The following WAPL variants were observed in gnomAD, a reference collection of about 807,000 sequenced individuals.
The protein encoded by WAPL is wings apart-like protein homolog.
In WAPL, 5 loss-of-function variants were observed where a neutral mutation model predicts 121.0. The observed-to-expected ratio is 0.04, with a 90% CI of 0.02 to 0.09. The LOEUF is 0.09. Among genes scored for constraint, WAPL ranks in the 10% least tolerant of loss-of-function variants. WAPL has a pLI of 1.00. For missense variants in WAPL, 999 were observed against 1,410.8 expected (o/e 0.71, Z 4.68); for synonymous variants, 480 against 481.5 (o/e 1.00, Z 0.04).
chr10:86,451,106 CTT>C (rs1001754126), intron 15 of WAPL, among the ~76,000 whole-genome samples: 7 of 141,550 alleles, frequency 4.9e-5, no homozygotes, highest in Admixed American at 7.1e-5. Context: ...GGATTCTTGA[CTT>C]TTTTTTTTTT....
chr10:86,462,838 A>G (rs1399304757), intron 9 of WAPL, among the ~76,000 whole-genome samples: 3 of 152,120 alleles, frequency 2.0e-5, no homozygotes, highest in Admixed American at 2.0e-4. Context: ...TCAAAGAGTA[A>G]TTTAGACTGG....
At chr10:86,513,968 C>T (rs1842512104) in intron 2 of WAPL, among the ~76,000 whole-genome samples, 1 of 152,166 alleles carries the variant, frequency 6.6e-6, no homozygotes, top group South Asian at 2.1e-4. Flanking sequence ...CAAGTAGGTA[C>T]ATGAATACTT....
At chr10:86,503,264 C>T (rs1270315319) in intron 2 of WAPL, among the ~76,000 whole-genome samples, 3 of 151,672 alleles carry the variant, frequency 2.0e-5, no homozygotes, top group African/African-American at 4.9e-5. Flanking sequence ...GTTTATCTCA[C>T]GGTGTGCTGA....
In WAPL at chr10:86,521,536, G is replaced by T. The variant is rs1214303527; in HGVS notation, c.-194C>A. The T allele has an allele frequency of 2.7e-6, 1 of 372,544 alleles. No individual in the cohort carries two copies. The highest frequency in any genetic ancestry group is 2.0e-5 in the South Asian group (1 of 49,016). 23.1% of individuals were successfully genotyped at this position (372,544 alleles called of 1,614,324 possible). On this transcript the variant is annotated 5_prime_UTR_variant, in exon 1 of 19. Transcript: ENST00000298767. ...ATAGGAAGCCCGGTTGGGGGGGCAG[G>T]AGCGGCGGCCCCGCAACTTCCCTCC...
intron 9 of WAPL, among the ~76,000 whole-genome samples, chr10:86,461,823 G>A (rs1841282409): frequency 6.6e-6 from 1 of 152,160 alleles, no homozygotes; most frequent in African/African-American, 2.4e-5. Flanking sequence ...TTTCTACTAT[G>A]AGACTCCTGT....
intron 16 of WAPL, 71 bp from the exon 17 acceptor site, chr10:86,443,434 G>A (rs1849523789): frequency 2.2e-6 from 3 of 1,361,204 alleles, no homozygotes. Context: ...CAACCATTCT[G>A]TTAGTTATCT....
At chr10:86,449,604 A>T (rs1380621402) in intron 15 of WAPL, among the ~76,000 whole-genome samples, 1 of 152,234 alleles carries the variant, frequency 6.6e-6, no homozygotes, top group Non-Finnish European at 1.5e-5. Context: ...AACAACTCAC[A>T]AACAGGGATC....
At chr10:86,520,431 ATTTG>A (rs764671917) in intron 1 of WAPL, among the ~76,000 whole-genome samples, 9 of 152,224 alleles carry the variant, frequency 5.9e-5, no homozygotes, top group South Asian at 2.1e-4. Context: ...GATGAAATAA[ATTTG>A]TTTAATAGTC....
chr10:86,465,714 C>T (rs573246787), intron 9 of WAPL, among the ~76,000 whole-genome samples: 15 of 152,236 alleles, frequency 9.9e-5, no homozygotes, highest in African/African-American at 3.4e-4. Context: ...GCATGGGGAT[C>T]CCGAGACACA....
intron 12 of WAPL, among the ~76,000 whole-genome samples, chr10:86,457,645 T>A (rs146498784): frequency 4.9e-4 from 74 of 149,930 alleles, no homozygotes; most frequent in African/African-American, 1.7e-3. Context: ...GAAAAAAAAA[T>A]AAAATAAAAT....
At chr10:86,445,005 G>A (rs1393742186) in intron 16 of WAPL, among the ~76,000 whole-genome samples, 9 of 151,842 alleles carry the variant, frequency 5.9e-5, no homozygotes, top group Admixed American at 5.3e-4. Context: ...AGGAGTGGGA[G>A]TAACAGGAGA....
rs758474053 is a variant in WAPL, at chr10:86,437,911, G to A, written c.3507+9C>T. 1.1e-5 allele frequency: 17 copies of A among 1,573,604 alleles called. No homozygotes were observed. The Admixed American group carries it at 1.7e-4, about 16-fold the overall frequency. On this transcript the variant is annotated intron_variant, in intron 18 of 18. Transcript: ENST00000298767. ...TAAAATCATATAAGCTGTAATAAAA[G>A]CTACTTACAGTGAGATTCATAAAAC...
intron 9 of WAPL, among the ~76,000 whole-genome samples, chr10:86,466,759 C>T (rs1258733139): frequency 2.0e-5 from 3 of 151,986 alleles, no homozygotes; most frequent in Non-Finnish European, 2.9e-5. Context: ...TGCAGGGGCA[C>T]GACCTCGGCT....
rs1849292943 is a variant in WAPL at position 86,435,359 on chromosome 10, T to C, written c.*2184A>G. On this transcript the variant is annotated 3_prime_UTR_variant, in exon 19 of 19. Transcript: ENST00000298767. ...ACTATTTTTTCCTGCCGTTGGCTTTTGCTCCAAAGATCACAGCTGAGAAAT... is the reference window on the plus strand; with the variant it reads ...ACTATTTTTTCCTGCCGTTGGCTTTCGCTCCAAAGATCACAGCTGAGAAAT... 4 of 152,674 alleles carry C rather than the reference T, an allele frequency of 2.6e-5. No individual in the cohort carries two copies. Among genetic ancestry groups the C allele is most frequent in the African/African-American group, 9.6e-5 (4 of 41,472 alleles). The allele number at this position is 152,674 out of a possible 1,614,324, so 9.5% of individuals were successfully genotyped here.
Position 86,452,038 on chromosome 10 carries a change from T to C in WAPL, c.3043A>G (p.Ile1015Val), listed in dbSNP as rs747049495. The C allele has an allele frequency of 1.5e-5, 24 of 1,614,006 alleles. No homozygotes were observed. The highest frequency in any genetic ancestry group is 3.3e-5 in the Admixed American group (2 of 59,998). ...METSCSFDSS[I>V]CSGEGDDSLR... ...CTATCATCCCCTTCTCCACTACAGA[T>C]GGAAGAATCAAAAGAGCACGATGTT... is the stretch of plus-strand genomic sequence containing the variant. Residue 1015 changes from isoleucine to valine, a missense_variant, in exon 15 of 19, where the codon ATC becomes GTC. This residue lies in a region of WAPL where 126 missense variants were observed against 144.0 expected (regional missense o/e 0.87). Coordinates refer to ENST00000298767, the MANE Select transcript of WAPL (RefSeq NM_015045.5).
intron 4 of WAPL, among the ~76,000 whole-genome samples, chr10:86,475,252 CTCA>C (rs1456379819): frequency 1.3e-5 from 2 of 152,122 alleles, no homozygotes; most frequent in African/African-American, 4.8e-5. Flanking sequence ...AAGGTAACAC[CTCA>C]TCCTCTCTAT....
At chr10:86,504,110 GT>G (rs1193883871) in intron 2 of WAPL, among the ~76,000 whole-genome samples, 1 of 151,862 alleles carries the variant, frequency 6.6e-6, no homozygotes, top group African/African-American at 2.4e-5. Flanking sequence ...GGAGGCAGAG[GT>G]TGTAGTGAGC....
chr10:86,474,745 G>T (rs1841613931), intron 4 of WAPL, among the ~76,000 whole-genome samples: 2 of 152,102 alleles, frequency 1.3e-5, no homozygotes, highest in South Asian at 4.1e-4. Context: ...TTAAAAAATA[G>T]TAATGATGAT....
intron 4 of WAPL, among the ~76,000 whole-genome samples, chr10:86,474,349 A>G (rs1464657248): frequency 7.2e-5 from 11 of 151,816 alleles, no homozygotes; most frequent in South Asian, 2.1e-4. Context: ...CCCCATCTCT[A>G]CTAAAAATAA....
Sources: gnomAD v4.1 joint callset for allele counts (sites outside exome capture counted in the v4.1 genomes callset) on GRCh38, gnomAD v4.1.1 for gene constraint, gnomAD v4.1.1 regional missense constraint, MANE v1.5 for transcripts, NCBI Gene and HGNC (gene_info 2026-07-23, HGNC 2026-07-21) for gene names.